Variants in ARL5A observed in about 807,000 individuals in gnomAD.
ARL5A encodes the protein ADP-ribosylation factor-like protein 5A.
A neutral mutation model predicts 25.9 loss-of-function variants in ARL5A; 18 were observed. The ratio of observed to expected loss-of-function variants is 0.69; its 90% CI spans 0.48 to 1.03. The LOEUF is 1.03. Among genes scored for constraint, ARL5A ranks in the 50% least tolerant of loss-of-function variants. ARL5A has a pLI of 0.00. For missense variants in ARL5A, 170 were observed against 211.9 expected (o/e 0.80, Z 1.23); for synonymous variants, 61 against 67.5 (o/e 0.90, Z 0.47).
intron 1 of ARL5A, 50 bp downstream of exon 1, chr2:151,828,081 C>T (rs1238296721): frequency 1.3e-6 from 2 of 1,591,814 alleles, no homozygotes; most frequent in Non-Finnish European, 1.7e-6. Flanking sequence ...CCTAGCCGGC[C>T]CGAGCTGACC....
At chr2:151,827,970 G>A (rs1401454795) in intron 1 of ARL5A, 161 bp downstream of exon 1, 5 of 670,934 alleles carry the variant, frequency 7.5e-6, no homozygotes, top group Non-Finnish European at 5.1e-6. Context: ...CTCGGGAGCC[G>A]GGACCGAACC....
intron 1 of ARL5A, among the ~76,000 whole-genome samples, chr2:151,824,210 T>C (rs2099832723): frequency 6.6e-6 from 1 of 152,176 alleles, no homozygotes. Flanking sequence ...CAACCTTTAT[T>C]ATAAAATAGG....
At chr2:151,811,867 T>C (rs1184649271) in intron 4 of ARL5A, among the ~76,000 whole-genome samples, 2 of 152,168 alleles carry the variant, frequency 1.3e-5, no homozygotes, top group African/African-American at 2.4e-5. Context: ...CCACTGTGCC[T>C]GGCAGGTTAT....
chr2:151,807,941 TA>T (rs1278719538), intron 4 of ARL5A, among the ~76,000 whole-genome samples: 1 of 152,168 alleles, frequency 6.6e-6, no homozygotes, highest in African/African-American at 2.4e-5. Flanking sequence ...TTTTACTCAC[TA>T]AACAGGCCAA....
intron 4 of ARL5A, among the ~76,000 whole-genome samples, chr2:151,807,417 T>C (rs2099830233): frequency 6.6e-6 from 1 of 152,186 alleles, no homozygotes. Context: ...CTGCCATCTC[T>C]ATGTTGTTCA....
At chr2:151,825,216 TA>T (rs945542213) in intron 1 of ARL5A, among the ~76,000 whole-genome samples, 1 of 151,956 alleles carries the variant, frequency 6.6e-6, no homozygotes, top group African/African-American at 2.4e-5. Flanking sequence ...AGCTCTTCTA[TA>T]AAAAAAAGTT....
intron 5 of ARL5A, 89 bp downstream of exon 5, chr2:151,806,732 T>C (rs1321460459): frequency 1.1e-5 from 14 of 1,321,934 alleles, no homozygotes; most frequent in African/African-American, 3.0e-5. Flanking sequence ...TTATACACAA[T>C]AGCCTTAAAT....
intron 1 of ARL5A, among the ~76,000 whole-genome samples, chr2:151,821,214 A>G (rs535406519): frequency 6.6e-6 from 1 of 152,358 alleles, no homozygotes; most frequent in East Asian, 1.9e-4. Flanking sequence ...TACAAATTCA[A>G]TGAATTCCTA....
chr2:151,815,994 T>C (rs1285652941), intron 1 of ARL5A, among the ~76,000 whole-genome samples: 1 of 152,214 alleles, frequency 6.6e-6, no homozygotes, highest in Admixed American at 6.5e-5. Context: ...AGATGGCCTC[T>C]GGATAGTCAT....
rs772485630 is a variant in ARL5A at position 151,803,293 on chromosome 2, G to T, written c.523C>A (p.Arg175=). 3 of 1,612,550 alleles carry T rather than the reference G, an allele frequency of 1.9e-6. No homozygotes were observed. The East Asian group carries it at 6.7e-5, about 36-fold the overall frequency. ...AGTAGAGATCATCTAATCTTAAGTC[G>T]TGACATCATCCATTCAAGTCCTTGG... The part of the protein sequence containing the change: ...LCQGLEWMMS[R]LKIR The change falls in exon 6 of 6, where the codon CGA becomes AGA. Residue 175 remains arginine, a synonymous_variant. Transcript: ENST00000295087.
chr2:151,826,931 T>C (rs2099833135), intron 1 of ARL5A, among the ~76,000 whole-genome samples: 1 of 149,094 alleles, frequency 6.7e-6, no homozygotes, highest in Admixed American at 6.6e-5. Context: ...TACACATCTG[T>C]GTGTGTGTGT....
At chr2:151,810,669 G>A in intron 4 of ARL5A, 1 of 323,880 alleles carries the variant, frequency 3.1e-6, no homozygotes, top group East Asian at 9.6e-5. Context: ...ACCCATAACA[G>A]ATAACGTTAA....
rs544520414 is a variant in ARL5A at position 151,809,620 on chromosome 2, A to G, written c.340-2648T>C. Among the ~76,000 whole-genome samples the G allele has an allele frequency of 2.5e-3, 378 of 152,372 alleles. 1 individual carries two copies. Among genetic ancestry groups the G allele is most frequent in the African/African-American group, 8.5e-3 (355 of 41,600 alleles). On this transcript the variant is annotated intron_variant, in intron 4 of 5. Coordinates refer to ENST00000295087, the MANE Select transcript of ARL5A (RefSeq NM_012097.4). Reference sequence around the variant, plus strand: ...CAAGAGGTCAAAGTATAAGGTGAACAACGGTGATCTTTTGTACATAAACCA... The same window carrying G: ...CAAGAGGTCAAAGTATAAGGTGAACGACGGTGATCTTTTGTACATAAACCA...
At chr2:151,823,998 C>T (rs1326262661) in intron 1 of ARL5A, among the ~76,000 whole-genome samples, 1 of 152,236 alleles carries the variant, frequency 6.6e-6, no homozygotes, top group Non-Finnish European at 1.5e-5. Context: ...CAAAACTTAA[C>T]ATTTTGCCCA....
chr2:151,814,290 G>T lies in ARL5A; in HGVS notation c.134C>A (p.Ser45Tyr). 6.3e-7 allele frequency: 1 copy of T among 1,586,124 alleles called. No individual in the cohort carries two copies. Among genetic ancestry groups the T allele is most frequent in the Non-Finnish European group, 8.6e-7 (1 of 1,169,314 alleles). Residue 45 changes from serine (S) to tyrosine (Y), a missense_variant, in exon 3 of 6, where the codon TCT becomes TAT. By Grantham distance (144) the Ser-to-Tyr change is moderately radical. Coordinates refer to ENST00000295087, the MANE Select transcript of ARL5A (RefSeq NM_012097.4). ...QFSMNEVVHT[S>Y]PTIGSNVEEI... Reference sequence around the variant, plus strand: ...TTCTACATTACTTCCTATTGTAGGAGATGTATGTACAACTTCATTCATAGA... The same window carrying T: ...TTCTACATTACTTCCTATTGTAGGATATGTATGTACAACTTCATTCATAGA...
Position 151,802,072 on chromosome 2 carries a change from A to G in ARL5A, c.*1204T>C, listed in dbSNP as rs1178575405. On this transcript the variant is annotated 3_prime_UTR_variant, in exon 6 of 6. Coordinates refer to ENST00000295087, the MANE Select transcript of ARL5A (RefSeq NM_012097.4). Reference sequence around the variant, plus strand: ...ATCATTCAAAAAACACTTGCATTTTATAATTGTCAATGCATTTATGTAATA... The same window carrying G: ...ATCATTCAAAAAACACTTGCATTTTGTAATTGTCAATGCATTTATGTAATA... 1.3e-5 allele frequency: 2 copies of G among 152,144 alleles called. No individual in the cohort carries two copies. The highest frequency in any genetic ancestry group is 2.9e-5 in the Non-Finnish European group (2 of 67,970). 9.4% of individuals were successfully genotyped at this position (152,144 alleles called of 1,614,324 possible).
At position 151,828,162 on chromosome 2, in the gene ARL5A, G is replaced by A. The variant is rs2099833346; in HGVS notation, c.15C>T (p.Phe5=). The part of the protein sequence containing the change: MGIL[F]TRIWRLFNHQ... ...GATTGAACAGTCTCCATATTCTAGT[G>A]AAGAGAATTCCCATTCTCGGGCAGC... The change falls in exon 1 of 6, where the codon TTC becomes TTT. Residue 5 remains phenylalanine, a synonymous_variant. Transcript: ENST00000295087. The A allele has an allele frequency of 1.2e-6, 2 of 1,605,530 alleles. No homozygotes were observed. The highest frequency in any genetic ancestry group is 1.7e-6 in the Non-Finnish European group (2 of 1,176,480).
chr2:151,806,050 T>C (rs769524478), intron 5 of ARL5A, among the ~76,000 whole-genome samples: 3 of 152,198 alleles, frequency 2.0e-5, no homozygotes, highest in African/African-American at 7.2e-5. Context: ...ACTTTCTCAA[T>C]GCACAGAATT....
At chr2:151,827,385 T>G (rs1309969989) in intron 1 of ARL5A, 1 of 152,236 alleles carries the variant, frequency 6.6e-6, no homozygotes, top group Non-Finnish European at 1.5e-5. Flanking sequence ...TACCTATGGT[T>G]AACAAATGTT....
Sources: allele counts gnomAD v4.1 joint callset (sites outside exome capture counted in the v4.1 genomes callset), GRCh38; gene constraint gnomAD v4.1.1; transcripts MANE v1.5; gene names NCBI Gene and HGNC (gene_info 2026-07-23, HGNC 2026-07-21).